Variants in BBX observed in about 807,000 individuals in gnomAD.
The protein encoded by BBX is HMG box transcription factor BBX.
In BBX, 30 loss-of-function variants were observed where a neutral mutation model predicts 100.2. The observed-to-expected ratio is 0.30, with a 90% CI of 0.22 to 0.41. BBX has a LOEUF of 0.41. BBX is among the 10% of genes least tolerant of loss of function. The pLI is 1.00. For synonymous variants in BBX, 376 were observed against 388.1 expected (o/e 0.97, Z 0.37); for missense variants, 1,023 against 1,129.8 (o/e 0.91, Z 1.35).
At chr3:107,789,916 A>G in intron 14 of BBX, 40 bp downstream of exon 14, 1 of 1,440,674 alleles carries the variant, frequency 6.9e-7, no homozygotes, top group Non-Finnish European at 9.5e-7. Flanking sequence ...GTTCTTGGTC[A>G]CCTCCATTGT....
At chr3:107,766,939 A>G (rs950530120) in intron 10 of BBX, among the ~76,000 whole-genome samples, 2 of 152,214 alleles carry the variant, frequency 1.3e-5, no homozygotes, top group East Asian at 3.8e-4. Context: ...ATTCTCAGCA[A>G]CCTAACACAG....
Position 107,772,817 on chromosome 3 carries a change from G to T in BBX, c.1096G>T (p.Asp366Tyr). 3 of 1,613,540 alleles carry T rather than the reference G, an allele frequency of 1.9e-6. No individual in the cohort carries two copies. The highest frequency in any genetic ancestry group is 2.5e-6 in the Non-Finnish European group (3 of 1,179,870). ...AAAATCGGCTAAGGAAAATTTAAGAGATTCTAAGGAATTGAGAAATTTTGA... is the reference window on the plus strand; with the variant it reads ...AAAATCGGCTAAGGAAAATTTAAGATATTCTAAGGAATTGAGAAATTTTGA... ...FEKSAKENLR[D>Y]SKELRNFEAL... Residue 366 changes from aspartate to tyrosine, a missense_variant, in exon 11 of 18, where the codon GAT becomes TAT. Around this residue, in one of 9 missense-constraint regions of BBX, gnomAD observed 348 missense variants for 353.2 expected, o/e 0.99. Transcript: ENST00000325805.
intron 2 of BBX, among the ~76,000 whole-genome samples, chr3:107,539,671 C>G (rs994462901): frequency 1.3e-5 from 2 of 152,050 alleles, no homozygotes; most frequent in African/African-American, 4.8e-5. Flanking sequence ...ATTATATATA[C>G]TAGGCTATTA....
intron 7 of BBX, among the ~76,000 whole-genome samples, chr3:107,740,031 A>G (rs2063948728): frequency 6.6e-6 from 1 of 151,972 alleles, no homozygotes; most frequent in Admixed American, 6.6e-5. Context: ...AGTAAAACCA[A>G]GGATGTGTTC....
chr3:107,726,760 CTG>C (rs2062975505), intron 5 of BBX, among the ~76,000 whole-genome samples: 2 of 152,048 alleles, frequency 1.3e-5, no homozygotes, highest in African/African-American at 4.8e-5. Flanking sequence ...ATGTAGTAAA[CTG>C]TGGACTGTAA....
chr3:107,550,954 G>T (rs915691254), intron 2 of BBX, among the ~76,000 whole-genome samples: 3 of 152,138 alleles, frequency 2.0e-5, no homozygotes, highest in Non-Finnish European at 2.9e-5. Context: ...GCCTCCTTTT[G>T]CTATAGGAAC....
chr3:107,586,037 T>G (rs569145184), intron 2 of BBX, among the ~76,000 whole-genome samples: 6 of 152,316 alleles, frequency 3.9e-5, no homozygotes, highest in Non-Finnish European at 8.8e-5. Context: ...TTCATATAAC[T>G]GTATTGTTAA....
intron 2 of BBX, among the ~76,000 whole-genome samples, chr3:107,554,586 A>G (rs932701266): frequency 6.6e-6 from 1 of 152,170 alleles, no homozygotes; most frequent in African/African-American, 2.4e-5. Flanking sequence ...GCGGAGTTTA[A>G]CTTATGCATT....
intron 3 of BBX, among the ~76,000 whole-genome samples, chr3:107,693,533 G>T (rs1356851391): frequency 6.6e-6 from 1 of 151,404 alleles, no homozygotes; most frequent in African/African-American, 2.4e-5. Flanking sequence ...ATTTCTGAGG[G>T]CTCTGTTCTG....
chr3:107,605,037 T>C (rs570371130), intron 2 of BBX, among the ~76,000 whole-genome samples: 1 of 152,252 alleles, frequency 6.6e-6, no homozygotes, highest in African/African-American at 2.4e-5. Context: ...TTTTAATGTT[T>C]GTATTCAGTA....
At chr3:107,752,852 T>G (rs2049339) in intron 9 of BBX, among the ~76,000 whole-genome samples, 21,120 of 152,180 alleles carry the variant, frequency 0.14, 1,852 homozygotes, top group South Asian at 0.29. Context: ...AAACACACAC[T>G]TCCCTCCATA....
Position 107,773,475 on chromosome 3 carries a change from C to G in BBX, c.1754C>G (p.Pro585Arg). ...EPLTPMEDAL[P>R]PSLSGQAKPE... ...TTGACCCCTATGGAAGATGCACTAC[C>G]ACCCAGCCTATCAGGACAGGCCAAG... is the stretch of plus-strand genomic sequence containing the variant. Residue 585 changes from proline (P) to arginine (R), a missense_variant, in exon 11 of 18, where the codon CCA becomes CGA. Physicochemically the swap from Pro to Arg is moderately radical, Grantham distance 103 (BLOSUM62 -2). Around this residue, in one of 9 missense-constraint regions of BBX, gnomAD observed 348 missense variants for 353.2 expected, o/e 0.99. Transcript: ENST00000325805. The surrounding 1 kb of genome is among the most constrained non-coding windows in gnomAD (Gnocchi z 4.1). The G allele has an allele frequency of 6.2e-7, 1 of 1,614,114 alleles. No homozygotes were observed. Among genetic ancestry groups the G allele is most frequent in the Non-Finnish European group, 8.5e-7 (1 of 1,179,976 alleles).
intron 12 of BBX, 118 bp from the exon 13 acceptor site, chr3:107,778,253 A>T: frequency 8.0e-7 from 1 of 1,249,160 alleles, no homozygotes; most frequent in Admixed American, 2.1e-5. Flanking sequence ...CACAGAATTT[A>T]CTTACCTAAT....
intron 2 of BBX, among the ~76,000 whole-genome samples, chr3:107,549,058 A>G (rs1019363501): frequency 6.6e-5 from 10 of 152,234 alleles, no homozygotes; most frequent in Admixed American, 3.3e-4. Flanking sequence ...CACCTGGGTG[A>G]CAGGACCATC....
chr3:107,670,867 T>G (rs1479563430), intron 3 of BBX, among the ~76,000 whole-genome samples: 1 of 152,110 alleles, frequency 6.6e-6, no homozygotes, highest in African/African-American at 2.4e-5. Flanking sequence ...ACCTCGGCAC[T>G]CCCTGCACAA....
chr3:107,705,655 C>T (rs2061349922), intron 3 of BBX, among the ~76,000 whole-genome samples: 1 of 152,206 alleles, frequency 6.6e-6, no homozygotes, highest in African/African-American at 2.4e-5. Flanking sequence ...TTTAAGTGAG[C>T]AGATGCTGCC....
chr3:107,658,260 AGTT>A (rs1457547641), intron 3 of BBX, among the ~76,000 whole-genome samples: 1 of 152,178 alleles, frequency 6.6e-6, no homozygotes, highest in African/African-American at 2.4e-5. Flanking sequence ...CTATAAATGT[AGTT>A]GTAATATTCT....
At chr3:107,529,940 A>G (rs928384849) in intron 2 of BBX, among the ~76,000 whole-genome samples, 1 of 152,216 alleles carries the variant, frequency 6.6e-6, no homozygotes, top group Non-Finnish European at 1.5e-5. Context: ...ATATATAAAT[A>G]GAAGATGAGA....
intron 3 of BBX, among the ~76,000 whole-genome samples, chr3:107,678,574 A>G (rs1234723578): frequency 1.3e-5 from 2 of 151,978 alleles, no homozygotes; most frequent in Non-Finnish European, 2.9e-5. Context: ...AATTTGAAAC[A>G]TTAGCTGGGT....
Sources: gnomAD v4.1 joint callset for allele counts (sites outside exome capture counted in the v4.1 genomes callset) on GRCh38, gnomAD v4.1.1 for gene constraint, gnomAD v4.1.1 regional missense constraint, Gnocchi (gnomAD v3.1) non-coding constraint, MANE v1.5 for transcripts, NCBI Gene and HGNC (gene_info 2026-07-23, HGNC 2026-07-21) for gene names.